ZSCAN25: variants seen among roughly 807,000 people sequenced by gnomAD.
ZSCAN25 encodes zinc finger and SCAN domain containing 25, also known as zinc finger and SCAN domain-containing protein 25.
In ZSCAN25, 27 loss-of-function variants were observed where a neutral mutation model predicts 38.7. That is an observed-to-expected ratio of 0.70 (90% confidence interval 0.51 to 0.96). The LOEUF (loss-of-function observed/expected upper bound fraction) is 0.96, where lower values mean the gene tolerates loss of function less well. Among genes scored for constraint, ZSCAN25 ranks in the 40% least tolerant of loss-of-function variants. The pLI, the probability that ZSCAN25 is intolerant of heterozygous loss-of-function variation, is 0.00. For missense variants in ZSCAN25, 637 were observed against 705.9 expected, an observed-to-expected ratio of 0.90 and a Z score of 1.11; for synonymous variants, 273 against 277.7, an observed-to-expected ratio of 0.98 and a Z score of 0.17.
the ZSCAN25 span, among the ~76,000 whole-genome samples, chr7:99,732,887 TA>T: frequency 0.048 from 7,362 of 152,272 alleles, 245 homozygotes; most frequent in Middle Eastern, 0.095. Context: ...TAAGTAACCA[TA>T]AAATGTTCCA....
At chr7:99,679,758 G>T in the ZSCAN25 span, 1 of 1,466,684 alleles carries the variant, frequency 6.8e-7, no homozygotes, top group Non-Finnish European at 9.6e-7. Flanking sequence ...AAACAGATAA[G>T]GGAAAAGGGG....
chr7:99,699,140 C>T, the ZSCAN25 span, among the ~76,000 whole-genome samples: 1 of 152,200 alleles, frequency 6.6e-6, no homozygotes, highest in East Asian at 1.9e-4. Context: ...AATTGGCTTT[C>T]ACAGCTCCTG....
At chr7:99,636,046 CAAAAAAA>C (rs780898445), downstream of ZSCAN25, among the ~76,000 whole-genome samples, 6 of 43,402 alleles carry the variant, frequency 1.4e-4, no homozygotes, top group South Asian at 9.5e-4. Context: ...GACTCCATCT[CAAAAAAA>C]AAAAAAAAAA....
At chr7:99,718,766 T>C in the ZSCAN25 span, among the ~76,000 whole-genome samples, 2 of 152,184 alleles carry the variant, frequency 1.3e-5, no homozygotes, top group African/African-American at 4.8e-5. Context: ...CTCAAGAATA[T>C]ACAAAAAGAC....
At chr7:99,694,522 G>GTTTTCTACA in the ZSCAN25 span, among the ~76,000 whole-genome samples, 2 of 152,170 alleles carry the variant, frequency 1.3e-5, no homozygotes, top group Non-Finnish European at 2.9e-5. Flanking sequence ...AAACTTTCCT[G>GTTTTCTACA]TTTTCTACAT....
chr7:99,734,460 C>T, the ZSCAN25 span, among the ~76,000 whole-genome samples: 117,723 of 152,044 alleles, frequency 0.77, 48,781 homozygotes, highest in Non-Finnish European at 0.93. Flanking sequence ...AGATTATCCT[C>T]AATCAATGCT....
At chr7:99,717,532 G>C in the ZSCAN25 span, 3 of 1,613,492 alleles carry the variant, frequency 1.9e-6, no homozygotes, top group African/African-American at 2.7e-5. Context: ...ATACCTCCTT[G>C]AGTTTTCCGC....
At chr7:99,712,307 A>G in the ZSCAN25 span, among the ~76,000 whole-genome samples, 1 of 152,236 alleles carries the variant, frequency 6.6e-6, no homozygotes, top group Admixed American at 6.5e-5. Context: ...AAATTCAACT[A>G]TCTAATAATT....
At chr7:99,729,123 T>G in the ZSCAN25 span, among the ~76,000 whole-genome samples, 1 of 152,208 alleles carries the variant, frequency 6.6e-6, no homozygotes, top group African/African-American at 2.4e-5. Flanking sequence ...ACTTTCTAAC[T>G]GGGTGTCTTA....
At chr7:99,713,635 C>CCTTGGTCTCCAGATTT in the ZSCAN25 span, 2 of 1,519,618 alleles carry the variant, frequency 1.3e-6, no homozygotes, top group South Asian at 2.3e-5. Flanking sequence ...GAATATAGCC[C>CCTTGGTCTCCAGATTT]CTTGGAGACC....
the ZSCAN25 span, chr7:99,662,953 T>C: frequency 1.3e-6 from 2 of 1,595,770 alleles, no homozygotes; most frequent in East Asian, 4.5e-5. This position sits in a 1 kb window ranked among gnomAD's most constrained non-coding sequence, Gnocchi z 4.3. Flanking sequence ...AAAAGTGCAG[T>C]CCTCAACCTC....
the ZSCAN25 span, among the ~76,000 whole-genome samples, chr7:99,685,548 C>A: frequency 6.6e-6 from 1 of 152,206 alleles, no homozygotes; most frequent in Non-Finnish European, 1.5e-5. Flanking sequence ...GTTGGGATTG[C>A]CTTTGTGCAA....
chr7:99,717,499 T>A, the ZSCAN25 span: 1 of 1,612,756 alleles, frequency 6.2e-7, no homozygotes, highest in South Asian at 1.1e-5. Flanking sequence ...TTTAAGTTTC[T>A]AATTAAAACC....
the ZSCAN25 span, among the ~76,000 whole-genome samples, chr7:99,687,089 A>G: frequency 9.8e-4 from 150 of 152,316 alleles, no homozygotes; most frequent in Middle Eastern, 6.8e-3. Flanking sequence ...AGAGCAGAAA[A>G]ACTGGAAACT....
the ZSCAN25 span, chr7:99,672,555 T>A: frequency 1.3e-6 from 2 of 1,589,296 alleles, no homozygotes; most frequent in Non-Finnish European, 1.7e-6. Context: ...AATCATTATT[T>A]AAATTTCAAA....
chr7:99,731,220 C>T, the ZSCAN25 span: 1 of 1,576,002 alleles, frequency 6.3e-7, no homozygotes, highest in East Asian at 2.3e-5. Context: ...TGGTGAGTCA[C>T]TGACTGAGGA....
chr7:99,655,228 T>C, the ZSCAN25 span, among the ~76,000 whole-genome samples: 1 of 152,250 alleles, frequency 6.6e-6, no homozygotes, highest in Non-Finnish European at 1.5e-5. Context: ...CATGTAAGTC[T>C]TTAATCCATC....
At chr7:99,623,558 A>G (rs778018130) in intron 6 of ZSCAN25, among the ~76,000 whole-genome samples, 1 of 152,258 alleles carries the variant, frequency 6.6e-6, no homozygotes, top group African/African-American at 2.4e-5. Flanking sequence ...GTCCTGCTCA[A>G]GCCGTATTTG....
chr7:99,718,788 C>T, the ZSCAN25 span, among the ~76,000 whole-genome samples: 1 of 152,152 alleles, frequency 6.6e-6, no homozygotes, highest in African/African-American at 2.4e-5. Context: ...TCTAGAAATA[C>T]TAAGTCAGCT....
Sources: gnomAD v4.1 joint callset for allele counts (sites outside exome capture counted in the v4.1 genomes callset) on GRCh38, gnomAD v4.1.1 for gene constraint, Gnocchi (gnomAD v3.1) non-coding constraint, MANE v1.5 for transcripts, NCBI Gene and HGNC (gene_info 2026-07-23, HGNC 2026-07-21) for gene names.